Variants in KLHDC1 observed in about 807,000 individuals in gnomAD.
KLHDC1 encodes the protein kelch domain-containing protein 1.
Under a neutral mutation model 68.3 loss-of-function variants are expected in KLHDC1, and 53 were observed. The ratio of observed to expected loss-of-function variants is 0.78; its 90% CI spans 0.62 to 0.98. The LOEUF (loss-of-function observed/expected upper bound fraction) is 0.98. KLHDC1 is among the 50% of genes least tolerant of loss of function. KLHDC1 has a pLI of 0.00. For missense variants in KLHDC1, 470 were observed against 492.3 expected, an observed-to-expected ratio of 0.95 and a Z score of 0.43; for synonymous variants, 148 against 159.0, an observed-to-expected ratio of 0.93 and a Z score of 0.52.
At chr14:49,738,096 C>T (rs765859960) in intron 10 of KLHDC1, among the ~76,000 whole-genome samples, 3 of 151,826 alleles carry the variant, frequency 2.0e-5, no homozygotes, top group African/African-American at 7.3e-5. Flanking sequence ...GGCATGATCT[C>T]GGCTCACTGC....
chr14:49,725,762 A>G lies in KLHDC1; in HGVS notation c.560A>G (p.Glu187Gly), dbSNP rs759296029. The change falls in exon 6 of 13, where the codon GAA becomes GGA. Residue 187 changes from glutamate to glycine, a missense_variant. Transcript: ENST00000359332. ...AAGACACAGACTTGGTTTCAACCAG[A>G]AATTAAAGTAAGTGTGGTAAAAAGT... ...DTKTQTWFQP[E>G]IKGGVPPQPR... 3 of 1,527,198 alleles carry G rather than the reference A, an allele frequency of 2.0e-6. No homozygotes were observed. The highest frequency in any genetic ancestry group is 2.7e-6 in the Non-Finnish European group (3 of 1,114,868). The allele number at this position is 1,527,198 out of a possible 1,614,324, so 94.6% of individuals were successfully genotyped here.
intron 10 of KLHDC1, among the ~76,000 whole-genome samples, chr14:49,735,701 A>G (rs1288146186): frequency 6.6e-6 from 1 of 152,052 alleles, no homozygotes; most frequent in Non-Finnish European, 1.5e-5. Context: ...TTTGGCTTTG[A>G]AAAGTCACTT....
chr14:49,715,680 G>A (rs1324750484), intron 4 of KLHDC1, among the ~76,000 whole-genome samples: 1 of 145,632 alleles, frequency 6.9e-6, no homozygotes, highest in Non-Finnish European at 1.5e-5. Context: ...GGGAGGCGGA[G>A]GTTGCAGTGA....
At chr14:49,723,116 AAGAG>A in intron 4 of KLHDC1, among the ~76,000 whole-genome samples, 2 of 129,700 alleles carry the variant, frequency 1.5e-5, no homozygotes, top group African/African-American at 5.7e-5. Context: ...AAAAAAAAAG[AAGAG>A]AAAACCATGA....
At chr14:49,700,149 C>G in intron 1 of KLHDC1, 1 of 235,184 alleles carries the variant, frequency 4.3e-6, no homozygotes, top group South Asian at 4.0e-5. Context: ...GCCTCAGCCT[C>G]CCGAGTAGCT....
At chr14:49,721,684 CT>C (rs569720127) in intron 4 of KLHDC1, among the ~76,000 whole-genome samples, 93 of 152,216 alleles carry the variant, frequency 6.1e-4, no homozygotes, top group African/African-American at 2.2e-3. Flanking sequence ...CTAGGGCCCC[CT>C]ATTTGGACAC....
chr14:49,693,160 G>C lies in KLHDC1; in HGVS notation c.-35G>C. ...CGAGGCCGCCGGGCGGGCAGGGGTT[G>C]TGGCGCGGCAAGCGGCGGGCCAGCG... On this transcript the variant is annotated 5_prime_UTR_variant, in exon 1 of 13. Coordinates refer to ENST00000359332, the MANE Select transcript of KLHDC1 (RefSeq NM_172193.3). 6.4e-7 allele frequency: 1 copy of C among 1,556,498 alleles called. No individual in the cohort carries two copies. Among genetic ancestry groups the C allele is most frequent in the Non-Finnish European group, 8.7e-7 (1 of 1,150,208 alleles).
In KLHDC1 at chr14:49,707,295, T is replaced by A. The variant is rs958125565; in HGVS notation, c.97-1864T>A. ...TTATGTGTGTGTGTGTGTGTGTGTG[T>A]GTGAGAGAGAGAGAGAGAGAGAGAC... On this transcript the variant is annotated intron_variant, in intron 1 of 12. Coordinates refer to ENST00000359332, the MANE Select transcript of KLHDC1 (RefSeq NM_172193.3). Among the ~76,000 whole-genome samples, 586 of 139,866 alleles carry A rather than the reference T, an allele frequency of 4.2e-3. 2 individuals are homozygous for A. Among genetic ancestry groups the A allele is most frequent in the Non-Finnish European group, 5.3e-3 (344 of 65,232 alleles). The allele number at this position is 139,866 out of a possible 152,430, so 91.8% of individuals were successfully genotyped here.
chr14:49,710,362 T>C lies in KLHDC1; in HGVS notation c.385T>C (p.Cys129Arg). Residue 129 changes from cysteine to arginine, a missense_variant, in exon 4 of 13, where the codon TGC (cysteine) becomes CGC (arginine). Transcript: ENST00000359332. ...ACCTACACCACGTGATAAACTTTCC[T>C]GCTGGGTATATAAAGACAGGTAATG... is the stretch of plus-strand genomic sequence containing the variant. ...QPPTPRDKLS[C>R]WVYKDRLIYF... The C allele has an allele frequency of 6.3e-7, 1 of 1,597,278 alleles. No individual in the cohort carries two copies. Among genetic ancestry groups the C allele is most frequent in the Non-Finnish European group, 8.6e-7 (1 of 1,165,048 alleles).
At chr14:49,722,077 C>G (rs375192380) in intron 4 of KLHDC1, among the ~76,000 whole-genome samples, 1 of 152,118 alleles carries the variant, frequency 6.6e-6, no homozygotes, top group Non-Finnish European at 1.5e-5. Context: ...GAAGATTATG[C>G]GAAAGAGTTA....
chr14:49,743,511 G>A lies in KLHDC1; in HGVS notation c.982-242G>A, dbSNP rs1225206543. On this transcript the variant is annotated intron_variant, in intron 11 of 12. Transcript: ENST00000359332. ...TTGCAATTATGTAGGCTATTGGTTA[G>A]GTTAAAATTTGGTCACTGAAAATTG... 3.6e-4 allele frequency among the ~76,000 whole-genome samples: 55 copies of A among 151,846 alleles called. 1 individual carries two copies.
At chr14:49,694,858 C>CA (rs1039147402) in intron 1 of KLHDC1, among the ~76,000 whole-genome samples, 70 of 151,586 alleles carry the variant, frequency 4.6e-4, no homozygotes, top group African/African-American at 1.6e-3. Context: ...CGTCTCAAAA[C>CA]AAAAAAACAA....
chr14:49,727,406 TA>T (rs1456698431), intron 6 of KLHDC1, among the ~76,000 whole-genome samples: 1 of 152,178 alleles, frequency 6.6e-6, no homozygotes, highest in Non-Finnish European at 1.5e-5. Flanking sequence ...CTGATAAGCT[TA>T]CCAGAATTGA....
At chr14:49,716,558 A>G (rs1888382906) in intron 4 of KLHDC1, among the ~76,000 whole-genome samples, 2 of 151,844 alleles carry the variant, frequency 1.3e-5, no homozygotes, top group Non-Finnish European at 1.5e-5. Context: ...TAATTTTTGT[A>G]TTTTTAGTAG....
At chr14:49,700,694 A>C (rs1390940231) in intron 1 of KLHDC1, among the ~76,000 whole-genome samples, 1 of 152,232 alleles carries the variant, frequency 6.6e-6, no homozygotes, top group Non-Finnish European at 1.5e-5. Context: ...TGAAGGTGGA[A>C]GGCTTACCGT....
rs1254787587 is a variant in KLHDC1 at position 49,743,812 on chromosome 14, A to C, written c.1034+7A>C. Reference sequence around the variant, plus strand: ...AGCCTTATTCACTACTCAGGTAAGCAAATTTAATATTTTCTATATATTTGC... The same window carrying C: ...AGCCTTATTCACTACTCAGGTAAGCCAATTTAATATTTTCTATATATTTGC... On this transcript the variant is annotated splice_region_variant and intron_variant, in intron 12 of 12. Coordinates refer to ENST00000359332, the MANE Select transcript of KLHDC1 (RefSeq NM_172193.3). 2 of 1,479,972 alleles carry C rather than the reference A, an allele frequency of 1.4e-6. No individual in the cohort carries two copies. The highest frequency in any genetic ancestry group is 1.9e-6 in the Non-Finnish European group (2 of 1,065,340). The allele number at this position is 1,479,972 out of a possible 1,614,324, so 91.7% of individuals were successfully genotyped here. A position where few individuals can be genotyped will look rare whatever the true frequency, so the allele number is the denominator to read the frequency against.
At position 49,723,931 on chromosome 14, in the gene KLHDC1, TG is replaced by T. The variant is rs1331754392; in HGVS notation, c.463del (p.Asp155MetfsTer67). ...GACACAGTGAACTCCAAGACTGTTT[TG>T]ATGTTCATGATGCATCTTGGGTAAG... is the stretch of plus-strand genomic sequence containing the variant. ...RRHSELQDCF[D>X]VHDASWEEQI... On this transcript the variant is annotated frameshift_variant, in exon 5 of 13. Transcript: ENST00000359332. LOFTEE classifies it high-confidence loss of function. 1 of 1,599,150 alleles carries T rather than the reference TG, an allele frequency of 6.3e-7. No individual in the cohort carries two copies. The highest frequency in any genetic ancestry group is 1.7e-5 in the Admixed American group (1 of 59,322).
chr14:49,728,922 G>C lies in KLHDC1; in HGVS notation c.568-4G>C, dbSNP rs748832889. The C allele has an allele frequency of 2.5e-6, 4 of 1,601,252 alleles. No individual in the cohort carries two copies. The highest frequency in any genetic ancestry group is 1.7e-5 in the Admixed American group (1 of 59,934). On this transcript the variant is annotated splice_polypyrimidine_tract_variant and splice_region_variant and intron_variant, in intron 6 of 12. Coordinates refer to ENST00000359332, the MANE Select transcript of KLHDC1 (RefSeq NM_172193.3). ...TTGCAGTCTGTTCTGATTTCTACTTGCAGGGTGGAGTTCCACCACAGCCAC... is the reference window on the plus strand; with the variant it reads ...TTGCAGTCTGTTCTGATTTCTACTTCCAGGGTGGAGTTCCACCACAGCCAC...
chr14:49,734,294 G>A (rs1270970665), intron 9 of KLHDC1, among the ~76,000 whole-genome samples: 2 of 152,074 alleles, frequency 1.3e-5, no homozygotes, highest in Non-Finnish European at 2.9e-5. Flanking sequence ...GCATACTGAA[G>A]TATGTATGGA....
Sources: allele counts gnomAD v4.1 joint callset (sites outside exome capture counted in the v4.1 genomes callset), GRCh38; gene constraint gnomAD v4.1.1; transcripts MANE v1.5; gene names NCBI Gene and HGNC (gene_info 2026-07-23, HGNC 2026-07-21).